Variants in TMBIM6 observed in about 807,000 individuals in gnomAD.
TMBIM6 encodes the protein bax inhibitor 1.
A neutral mutation model predicts 31.4 loss-of-function variants in TMBIM6; 13 were observed. The ratio of observed to expected loss-of-function variants is 0.41; its 90% confidence interval spans 0.27 to 0.66. The LOEUF (loss-of-function observed/expected upper bound fraction) is 0.66. TMBIM6 is among the 30% of genes least tolerant of loss of function. TMBIM6 has a pLI of 0.28. For missense variants in TMBIM6, 275 were observed against 289.5 expected (o/e 0.95, Z 0.36); for synonymous variants, 85 against 101.7 (o/e 0.84, Z 0.99).
At chr12:49,752,269 G>A (rs554366812) in intron 1 of TMBIM6, among the ~76,000 whole-genome samples, 195 bp from the exon 2 acceptor site, 109 of 152,272 alleles carry the variant, frequency 7.2e-4, no homozygotes, top group Non-Finnish European at 1.2e-3. Context: ...CAATTCCTCT[G>A]TCGTCTTTAA....
chr12:49,759,169 T>G, intron 7 of TMBIM6, 52 bp from the exon 8 acceptor site: 1 of 1,513,320 alleles, frequency 6.6e-7, no homozygotes, highest in South Asian at 1.1e-5. Context: ...GGCTGGTTTT[T>G]TTTTCTCTGC....
chr12:49,753,948 A>G (rs867393989), intron 3 of TMBIM6, among the ~76,000 whole-genome samples: 7 of 149,024 alleles, frequency 4.7e-5, no homozygotes, highest in Non-Finnish European at 1.0e-4. Flanking sequence ...TTTGAGACAG[A>G]GTCTCGCTCT....
intron 4 of TMBIM6, among the ~76,000 whole-genome samples, chr12:49,756,499 A>C (rs1179700653): frequency 7.1e-6 from 1 of 141,094 alleles, no homozygotes; most frequent in Non-Finnish European, 1.5e-5. Context: ...GCTGGAGTGC[A>C]GTGGCGAGAT....
At chr12:49,749,606 T>A (rs1398850130) in intron 1 of TMBIM6, 1 of 152,168 alleles carries the variant, frequency 6.6e-6, no homozygotes, top group Non-Finnish European at 1.5e-5. Flanking sequence ...ATAATTTTTG[T>A]ATTTTTTGTA....
intron 4 of TMBIM6, 68 bp from the exon 5 acceptor site, chr12:49,758,159 A>G: frequency 6.3e-7 from 1 of 1,577,950 alleles, no homozygotes; most frequent in Non-Finnish European, 8.7e-7. Context: ...TTTCGGGATC[A>G]GCTTTTGGAT....
Position 49,763,240 on chromosome 12 carries a change from A to G in TMBIM6, c.*344A>G, listed in dbSNP as rs1262863717. 7 of 235,722 alleles carry G rather than the reference A, an allele frequency of 3.0e-5. No homozygotes were observed. The highest frequency in any genetic ancestry group is 8.8e-5 in the African/African-American group (4 of 45,262). 14.6% of individuals were successfully genotyped at this position (235,722 alleles called of 1,614,324 possible). ...CTTTCCCACCAGGCTTCATTCACCC[A>G]GTGGACCTGAACTGTTTGGTAGAGC... On this transcript the variant is annotated 3_prime_UTR_variant, in exon 10 of 10. Coordinates refer to ENST00000267115, the MANE Select transcript of TMBIM6 (RefSeq NM_003217.3).
At chr12:49,752,700 G>A (rs1392899356) in intron 2 of TMBIM6, 151 bp downstream of exon 2, 10 of 726,096 alleles carry the variant, frequency 1.4e-5, no homozygotes, top group South Asian at 3.7e-5. Flanking sequence ...AATTCTACAC[G>A]TTGCTGTGTG....
chr12:49,760,989 A>G (rs1377811764), intron 8 of TMBIM6, among the ~76,000 whole-genome samples: 3 of 151,216 alleles, frequency 2.0e-5, no homozygotes, highest in Non-Finnish European at 1.5e-5. Context: ...ACAGGCATGC[A>G]CCACCATGCC....
chr12:49,762,721 A>T, intron 9 of TMBIM6, 152 bp from the exon 10 acceptor site: 1 of 755,580 alleles, frequency 1.3e-6, no homozygotes, highest in Non-Finnish European at 2.2e-6. Flanking sequence ...GGATGTGGTT[A>T]AGATTCAGTT....
In TMBIM6 at chr12:49,750,036, T is replaced by G. The variant is rs184771920; in HGVS notation, c.-30-2428T>G. Among the ~76,000 whole-genome samples, 220 of 152,344 alleles carry G rather than the reference T, an allele frequency of 1.4e-3. 1 individual carries two copies. The highest frequency in any genetic ancestry group is 2.6e-3 in the Non-Finnish European group (179 of 68,034). ...TTTTTAATGATTTCAAACCACAAGC[T>G]TCTATTAAATCAAAGTGAAATTGCC... On this transcript the variant is annotated intron_variant, in intron 1 of 9. Coordinates refer to ENST00000267115, the MANE Select transcript of TMBIM6 (RefSeq NM_003217.3).
intron 1 of TMBIM6, 142 bp from the exon 2 acceptor site, chr12:49,752,322 A>G (rs1228813990): frequency 1.9e-6 from 1 of 521,474 alleles, no homozygotes; most frequent in African/African-American, 2.0e-5. Flanking sequence ...GACACATAAA[A>G]ATAAAAATGG....
In TMBIM6 at chr12:49,755,835, T is replaced by TG. The variant is rs1486787003; in HGVS notation, c.286+80_286+81insG. The TG allele has an allele frequency of 4.0e-6, 6 of 1,489,014 alleles. No homozygotes were observed. In the East Asian group the frequency reaches 1.4e-4, roughly 34 times the overall value. 92.2% of individuals were successfully genotyped at this position (1,489,014 alleles called of 1,614,324 possible). ...TTAATTAGTTCCCCCCCCTTTTTTT[T>TG]TCTTTTTTTTTTTTTTGAGACAGAG... is the stretch of plus-strand genomic sequence containing the variant. On this transcript the variant is annotated intron_variant, in intron 4 of 9. Coordinates refer to ENST00000267115, the MANE Select transcript of TMBIM6 (RefSeq NM_003217.3).
chr12:49,748,680 A>C (rs17123919), intron 1 of TMBIM6, among the ~76,000 whole-genome samples: 5 of 152,228 alleles, frequency 3.3e-5, no homozygotes, highest in African/African-American at 9.6e-5. Flanking sequence ...TTTACTTTTC[A>C]GTTACAAACG....
intron 8 of TMBIM6, among the ~76,000 whole-genome samples, chr12:49,761,254 A>T (rs913259164): frequency 5.3e-5 from 8 of 151,910 alleles, no homozygotes. Flanking sequence ...CTGTCACCCA[A>T]GCTGCAGTAG....
chr12:49,743,244 GTT>G (rs111230811), intron 1 of TMBIM6, among the ~76,000 whole-genome samples: 1 of 146,580 alleles, frequency 6.8e-6, no homozygotes. Context: ...TTATTATTAT[GTT>G]TTTTTTTTGA....
intron 1 of TMBIM6, among the ~76,000 whole-genome samples, chr12:49,751,691 TTTTG>T (rs1276237779): frequency 3.3e-5 from 5 of 152,014 alleles, no homozygotes; most frequent in South Asian, 2.1e-4. Context: ...GCTTTATAGT[TTTTG>T]TTTGTTTTGT....
At chr12:49,759,084 G>A in intron 7 of TMBIM6, 137 bp from the exon 8 acceptor site, 2 of 731,688 alleles carry the variant, frequency 2.7e-6, no homozygotes, top group Non-Finnish European at 2.3e-6. Flanking sequence ...ACCCTAGGCT[G>A]CAGTTCTCGT....
intron 8 of TMBIM6, among the ~76,000 whole-genome samples, chr12:49,761,156 TTC>T (rs1188954466): frequency 6.6e-6 from 1 of 151,656 alleles, no homozygotes. Flanking sequence ...AATGTAGTGA[TTC>T]TCTCAGTCTC....
intron 1 of TMBIM6, among the ~76,000 whole-genome samples, chr12:49,745,451 A>G (rs1945373389): frequency 6.6e-6 from 1 of 152,176 alleles, no homozygotes; most frequent in Non-Finnish European, 1.5e-5. Context: ...CAGGCCAGGC[A>G]TGGTGGCTCA....
Sources: gnomAD v4.1 joint callset for allele counts (sites outside exome capture counted in the v4.1 genomes callset) on GRCh38, gnomAD v4.1.1 for gene constraint, MANE v1.5 for transcripts, NCBI Gene and HGNC (gene_info 2026-07-23, HGNC 2026-07-21) for gene names.